SIRT3: variants seen among roughly 807,000 people sequenced by gnomAD.
The protein encoded by SIRT3 is sirtuin 3, also known as NAD-dependent protein deacetylase sirtuin-3, mitochondrial.
SIRT3 carries 26 observed loss-of-function variants against 33.5 expected under a neutral mutation model. The observed-to-expected ratio is 0.78, with a 90% confidence interval of 0.57 to 1.08. The LOEUF (loss-of-function observed/expected upper bound fraction) is 1.08, where lower values mean the gene tolerates loss of function less well. SIRT3 is among the 50% of genes least tolerant of loss of function. The probability of loss-of-function intolerance (pLI) is 0.00; values close to 1 mark genes in which losing one functional copy is unlikely to be tolerated. For synonymous variants in SIRT3, 237 were observed against 222.1 expected, an observed-to-expected ratio of 1.07 and a Z score of -0.60; for missense variants, 585 against 530.1, an observed-to-expected ratio of 1.10 and a Z score of -1.02.
chr11:227,028 G>A (rs890856461), intron 4 of SIRT3, among the ~76,000 whole-genome samples: 14 of 151,504 alleles, frequency 9.2e-5, no homozygotes, highest in African/African-American at 2.7e-4. Context: ...CTGGGATTAC[G>A]GGCGTGAGCC....
At position 233,511 on chromosome 11, in the gene SIRT3, A is replaced by G; in HGVS notation, c.305T>C (p.Ile102Thr). The change falls in exon 2 of 7, where the codon ATA becomes ACA. Residue 102 changes from isoleucine to threonine, a missense_variant. Ile to Thr is a moderately conservative substitution (Grantham distance 89). Transcript: ENST00000382743. ...ACTTGAAGCACCCACAGAAAAAGAT[A>G]TGGACCTTCTTCCACCTTTAATACT... ...FSSIKGGRRS[I>T]SFSVGASSVV... The G allele has an allele frequency of 6.2e-7, 1 of 1,614,170 alleles. No homozygotes were observed. The highest frequency in any genetic ancestry group is 8.5e-7 in the Non-Finnish European group (1 of 1,180,032).
chr11:235,649 G>C (rs1251911539), intron 1 of SIRT3, among the ~76,000 whole-genome samples: 1 of 152,192 alleles, frequency 6.6e-6, no homozygotes, highest in Non-Finnish European at 1.5e-5. Flanking sequence ...TCAGTTCTTA[G>C]ATGCAATTAC....
At chr11:230,674 T>G in intron 3 of SIRT3, 122 bp from the exon 4 acceptor site, 1 of 521,338 alleles carries the variant, frequency 1.9e-6, no homozygotes, top group Non-Finnish European at 3.2e-6. Context: ...GGGGTTGTGA[T>G]GTCCTCAAGC....
At chr11:219,638 A>G (rs1429283216) in intron 5 of SIRT3, among the ~76,000 whole-genome samples, 2 of 152,176 alleles carry the variant, frequency 1.3e-5, no homozygotes, top group Admixed American at 1.3e-4. Context: ...GGATACATTA[A>G]TAAATGGCAT....
chr11:229,030 C>G (rs116303059), intron 4 of SIRT3, among the ~76,000 whole-genome samples: 121 of 152,320 alleles, frequency 7.9e-4, no homozygotes, highest in African/African-American at 2.8e-3. Flanking sequence ...CACCTCCCAC[C>G]CACTGGGATA....
chr11:217,330 A>G (rs2133781136), intron 6 of SIRT3, among the ~76,000 whole-genome samples: 1 of 152,356 alleles, frequency 6.6e-6, no homozygotes, highest in African/African-American at 2.4e-5. Context: ...CATGCCTGTA[A>G]TCCCAGCTGC....
At chr11:220,554 AC>A (rs1297341698) in intron 5 of SIRT3, among the ~76,000 whole-genome samples, 1 of 151,858 alleles carries the variant, frequency 6.6e-6, no homozygotes, top group South Asian at 2.1e-4. Flanking sequence ...CAAAATCCGC[AC>A]CCCCCTCCAC....
intron 4 of SIRT3, among the ~76,000 whole-genome samples, chr11:226,277 G>A (rs1009187425): frequency 3.9e-5 from 6 of 152,140 alleles, no homozygotes; most frequent in African/African-American, 1.4e-4. Flanking sequence ...GCTGGGGAGG[G>A]AGGGGTACAG....
intron 5 of SIRT3, among the ~76,000 whole-genome samples, chr11:221,735 T>C (rs1856469110): frequency 6.6e-6 from 1 of 152,214 alleles, no homozygotes; most frequent in South Asian, 2.1e-4. Flanking sequence ...GGTTTCTCAG[T>C]TGGGACCTCA....
rs114085653 is a variant in SIRT3, at chr11:217,906, G to A, written c.1179+926C>T. 8.4e-3 allele frequency among the ~76,000 whole-genome samples: 1,273 copies of A among 152,190 alleles called. 19 individuals carry two copies. Among genetic ancestry groups the A allele is most frequent in the African/African-American group, 0.029 (1,211 of 41,498 alleles). ...TGGAAGTAACTGAATCATGGGGGCGGGTCTTTCCCACACTCTTCTTCTGAT... is the reference window on the plus strand; with the variant it reads ...TGGAAGTAACTGAATCATGGGGGCGAGTCTTTCCCACACTCTTCTTCTGAT... On this transcript the variant is annotated intron_variant, in intron 6 of 6. Coordinates refer to ENST00000382743, the MANE Select transcript of SIRT3 (RefSeq NM_012239.6).
chr11:232,150 C>G (rs1170264753), intron 3 of SIRT3, among the ~76,000 whole-genome samples: 1 of 152,030 alleles, frequency 6.6e-6, no homozygotes, highest in East Asian at 1.9e-4. Context: ...CAGAATCTCC[C>G]TCTGTCGCCC....
In SIRT3 at chr11:223,903, GCCTCCTCCCTGCACA is replaced by G; in HGVS notation, c.969+160_969+174del. The stretch of plus-strand genomic sequence containing the variant: ...TACCCCTCCCTTCCCCTGCCCTCCA[GCCTCCTCCCTGCACA>G]GGCCTGCCGACAGCCCATGAGGTGA... On this transcript the variant is annotated intron_variant, in intron 5 of 6. Transcript: ENST00000382743. The surrounding 1 kb of genome is among the most constrained non-coding windows in gnomAD (Gnocchi z 4.8). 1 of 388,512 alleles carries G rather than the reference GCCTCCTCCCTGCACA, an allele frequency of 2.6e-6. No individual in the cohort carries two copies. The highest frequency in any genetic ancestry group is 5.5e-5 in the East Asian group (1 of 18,286). 24.1% of individuals were successfully genotyped at this position (388,512 alleles called of 1,614,324 possible).
At chr11:235,682 T>C (rs1858918727) in intron 1 of SIRT3, among the ~76,000 whole-genome samples, 2 of 152,202 alleles carry the variant, frequency 1.3e-5, no homozygotes, top group African/African-American at 4.8e-5. Context: ...TACGATCACA[T>C]GCCAGTGGGA....
Position 233,419 on chromosome 11 carries a change from G to GA in SIRT3, c.396dup (p.Arg133SerfsTer49). 1 of 1,613,946 alleles carries GA rather than the reference G, an allele frequency of 6.2e-7. No homozygotes were observed. The highest frequency in any genetic ancestry group is 1.1e-5 in the South Asian group (1 of 91,052). On this transcript the variant is annotated frameshift_variant, in exon 2 of 7. Coordinates refer to ENST00000382743, the MANE Select transcript of SIRT3 (RefSeq NM_012239.6). LOFTEE classifies it high-confidence loss of function. ...ACCACCCTCTGGCAGGCTCTGGCCC[G>GA]AATCAGCTCAGCTACATCCTGCAGG...
rs753670641 is a variant in SIRT3 at position 236,185 on chromosome 11, C to G, written c.144G>C (p.Ala48=). ...LVLGGRDDVS[A]GLRGSHGARG... is the part of the protein sequence containing the mutation. ...GGGCCCCATGGCTGCCTCTCAGCCC[C>G]GCACTCACATCGTCCCTGCCGCCAA... The change falls in exon 1 of 7, where the codon GCG becomes GCC. Residue 48 remains alanine, a synonymous_variant. Transcript: ENST00000382743. 4.8e-5 allele frequency: 75 copies of G among 1,563,482 alleles called. No individual in the cohort carries two copies. Among genetic ancestry groups the G allele is most frequent in the Non-Finnish European group, 6.3e-5 (73 of 1,157,248 alleles).
intron 1 of SIRT3, among the ~76,000 whole-genome samples, chr11:234,256 A>C (rs1352282690): frequency 6.6e-6 from 1 of 152,218 alleles, no homozygotes; most frequent in Admixed American, 6.5e-5. Flanking sequence ...GCATGGGTGC[A>C]ACCTGGGAGG....
chr11:236,130 A>C lies in SIRT3; in HGVS notation c.199T>G (p.Leu67Val). The C allele has an allele frequency of 7.0e-6, 11 of 1,577,426 alleles. No individual in the cohort carries two copies. Among genetic ancestry groups the C allele is most frequent in the Non-Finnish European group, 9.5e-6 (11 of 1,162,594 alleles). ...ACCTCGGGTCTGGGAGGCCTCTGCA[A>C]GGGGCGCGCCGGGTCCAAGGGCTCA... ...RGEPLDPARP[L>V]QRPPRPEVPR... Residue 67 changes from leucine to valine, a missense_variant, in exon 1 of 7, where the codon TTG becomes GTG. Coordinates refer to ENST00000382743, the MANE Select transcript of SIRT3 (RefSeq NM_012239.6).
At chr11:218,760 A>C (rs747985577) in intron 6 of SIRT3, 72 bp downstream of exon 6, 2 of 1,607,960 alleles carry the variant, frequency 1.2e-6, no homozygotes, top group Non-Finnish European at 1.7e-6. Context: ...ACGGGGCTCC[A>C]TATCAGGTGG....
chr11:231,874 G>GCTCCTA (rs1313680153), intron 3 of SIRT3, among the ~76,000 whole-genome samples: 5 of 151,548 alleles, frequency 3.3e-5, no homozygotes, highest in African/African-American at 4.8e-5. Context: ...CCGGGAGCCT[G>GCTCCTA]GCTCCCGGAG....
Sources: allele counts gnomAD v4.1 joint callset (sites outside exome capture counted in the v4.1 genomes callset), GRCh38; gene constraint gnomAD v4.1.1; non-coding constraint Gnocchi (gnomAD v3.1); transcripts MANE v1.5; gene names NCBI Gene and HGNC (gene_info 2026-07-23, HGNC 2026-07-21).